The following CSMD3 variants were observed in gnomAD, a reference collection of about 807,000 sequenced individuals.
CSMD3 encodes the protein CUB and sushi domain-containing protein 3.
In CSMD3, 177 loss-of-function variants were observed where a neutral mutation model predicts 435.2. The observed-to-expected ratio is 0.41, with a 90% CI of 0.36 to 0.46. The LOEUF is 0.46. CSMD3 is among the 20% of genes least tolerant of loss of function. The pLI, the probability that CSMD3 is intolerant of heterozygous loss-of-function variation, is 0.34. For missense variants in CSMD3, 4,265 were observed against 4,504.6 expected (o/e 0.95, Z 1.52); for synonymous variants, 1,656 against 1,520.5 (o/e 1.09, Z -2.07).
intron 2 of CSMD3, among the ~76,000 whole-genome samples, chr8:113,279,427 C>A (rs1026241647): frequency 2.0e-5 from 3 of 151,422 alleles, no homozygotes; most frequent in Admixed American, 6.6e-5. Flanking sequence ...ACATCCAAAT[C>A]ATTTTGTATA....
At chr8:112,594,737 AC>A (rs1470415229) in intron 22 of CSMD3, among the ~76,000 whole-genome samples, 1 of 151,906 alleles carries the variant, frequency 6.6e-6, no homozygotes, top group Admixed American at 6.6e-5. Context: ...ACTGGGAGGC[AC>A]CCCCCAGTAG....
intron 51 of CSMD3, 76 bp from the exon 52 acceptor site, chr8:112,304,991 C>G: frequency 9.5e-7 from 1 of 1,053,010 alleles, no homozygotes; most frequent in Non-Finnish European, 1.4e-6. Context: ...TACATCTCCA[C>G]TGACCTAATT....
intron 4 of CSMD3, among the ~76,000 whole-genome samples, chr8:113,156,125 A>T (rs1196451743): frequency 6.6e-6 from 1 of 152,086 alleles, no homozygotes; most frequent in Non-Finnish European, 1.5e-5. Flanking sequence ...AATATGGCTT[A>T]GAATAGAAAG....
chr8:112,978,488 A>C (rs371899299), intron 6 of CSMD3, among the ~76,000 whole-genome samples: 1 of 151,866 alleles, frequency 6.6e-6, no homozygotes, highest in African/African-American at 2.4e-5. Flanking sequence ...CAAATTTTGG[A>C]GTTAGAACTG....
intron 13 of CSMD3, among the ~76,000 whole-genome samples, chr8:112,744,015 A>G (rs2077373010): frequency 6.6e-6 from 1 of 152,058 alleles, no homozygotes; most frequent in Non-Finnish European, 1.5e-5. Context: ...AGGCAATGTT[A>G]TTATATGCAG....
At chr8:112,591,890 T>C (rs1831222158) in intron 22 of CSMD3, among the ~76,000 whole-genome samples, 1 of 151,996 alleles carries the variant, frequency 6.6e-6, no homozygotes, top group South Asian at 2.1e-4. Context: ...TAGATTTCAT[T>C]TCATTAAGTT....
chr8:112,731,371 T>G (rs576274008), intron 13 of CSMD3, among the ~76,000 whole-genome samples: 6 of 152,310 alleles, frequency 3.9e-5, no homozygotes, highest in Admixed American at 2.0e-4. Context: ...TATTGAATTC[T>G]GCATCTGTAT....
chr8:113,238,880 T>C (rs994958105), intron 3 of CSMD3, among the ~76,000 whole-genome samples: 7 of 152,080 alleles, frequency 4.6e-5, no homozygotes, highest in African/African-American at 1.7e-4. Context: ...TTTGTCAACA[T>C]GACTGGACCA....
At chr8:112,499,300 G>T (rs757257262) in intron 30 of CSMD3, among the ~76,000 whole-genome samples, 1 of 152,030 alleles carries the variant, frequency 6.6e-6, no homozygotes, top group Non-Finnish European at 1.5e-5. Flanking sequence ...CTGAAAGCAG[G>T]CTTTCATAAT....
chr8:113,378,049 A>C (rs1207893886), intron 1 of CSMD3, among the ~76,000 whole-genome samples: 1 of 152,182 alleles, frequency 6.6e-6, no homozygotes, highest in Admixed American at 6.5e-5. Flanking sequence ...CTCTTTAAAT[A>C]GATTTTTCTG....
At chr8:112,451,742 T>G (rs1816304519) in intron 32 of CSMD3, among the ~76,000 whole-genome samples, 1 of 152,148 alleles carries the variant, frequency 6.6e-6, no homozygotes, top group Non-Finnish European at 1.5e-5. Flanking sequence ...TTCTCCACAT[T>G]GGTCAGGCTG....
At chr8:113,383,971 C>T (rs553941077) in intron 1 of CSMD3, among the ~76,000 whole-genome samples, 61 of 152,240 alleles carry the variant, frequency 4.0e-4, no homozygotes, top group Middle Eastern at 3.4e-3. Flanking sequence ...CTAATGCATA[C>T]GATTTAAGAT....
intron 1 of CSMD3, among the ~76,000 whole-genome samples, chr8:113,395,341 C>T (rs968480551): frequency 1.5e-4 from 23 of 152,116 alleles, no homozygotes; most frequent in African/African-American, 5.1e-4. Context: ...GACGCGGTGG[C>T]TCACGCCTGT....
At chr8:113,127,598 C>G (rs2091170847) in intron 4 of CSMD3, among the ~76,000 whole-genome samples, 1 of 152,030 alleles carries the variant, frequency 6.6e-6, no homozygotes, top group African/African-American at 2.4e-5. Context: ...CTCCACATCA[C>G]CAGGTTTACT....
intron 17 of CSMD3, among the ~76,000 whole-genome samples, chr8:112,662,658 C>A (rs904553974): frequency 6.6e-6 from 1 of 152,064 alleles, no homozygotes; most frequent in African/African-American, 2.4e-5. Context: ...GCAACAAAAG[C>A]CAAAACTGAC....
At chr8:112,270,453 A>C (rs565149524) in intron 59 of CSMD3, among the ~76,000 whole-genome samples, 7 of 151,474 alleles carry the variant, frequency 4.6e-5, no homozygotes, top group Non-Finnish European at 8.8e-5. Context: ...CTCCAGTGGG[A>C]AATTCTCAAA....
At chr8:113,245,395 TTC>T (rs770397111) in intron 3 of CSMD3, among the ~76,000 whole-genome samples, 170 of 152,108 alleles carry the variant, frequency 1.1e-3, no homozygotes, top group Non-Finnish European at 2.0e-3. Context: ...TCATTTTAAT[TTC>T]TTTTTTATTT....
At chr8:113,066,194 G>A (rs2088852518) in intron 5 of CSMD3, among the ~76,000 whole-genome samples, 1 of 150,936 alleles carries the variant, frequency 6.6e-6, no homozygotes, top group African/African-American at 2.4e-5. Context: ...GGTATATTGT[G>A]CTATAGATTA....
intron 3 of CSMD3, among the ~76,000 whole-genome samples, chr8:113,258,691 A>C (rs1384806167): frequency 6.6e-6 from 1 of 152,186 alleles, no homozygotes; most frequent in Non-Finnish European, 1.5e-5. Flanking sequence ...ATATGTCTCA[A>C]AGGCTTAACG....
Sources: allele counts gnomAD v4.1 joint callset (sites outside exome capture counted in the v4.1 genomes callset), GRCh38; gene constraint gnomAD v4.1.1; transcripts MANE v1.5; gene names NCBI Gene and HGNC (gene_info 2026-07-23, HGNC 2026-07-21).